Variants in TMEM91 observed in about 807,000 individuals in gnomAD.
TMEM91 encodes dispanin subfamily C member 3.
TMEM91 carries 6 observed loss-of-function variants against 13.3 expected under a neutral mutation model. The observed-to-expected ratio is 0.45, with a 90% CI of 0.25 to 0.89. The LOEUF is 0.89. TMEM91 is among the 40% of genes least tolerant of loss of function. The pLI is 0.19. For missense variants in TMEM91, 193 were observed against 228.7 expected (o/e 0.84, Z 1.01); for synonymous variants, 87 against 101.7 (o/e 0.86, Z 0.87).
chr19:41,383,782 T>G lies in TMEM91; in HGVS notation c.428T>G (p.Leu143Arg), dbSNP rs1463643031. ...AGAASRRAFL[L>R]GVLAVGLGVC... ...GCCGCCTCCCGCCGTGCCTTCCTGC[T>G]GGGGGTCCTCGCCGTCGGGCTGGGC... The change falls in exon 4 of 4, where the codon CTG becomes CGG. Residue 143 changes from leucine to arginine, a missense_variant. By Grantham distance (102) the Leu-to-Arg change is moderately radical. Coordinates refer to ENST00000392002, the MANE Select transcript of TMEM91 (RefSeq NM_001098821.2). The G allele has an allele frequency of 2.5e-6, 4 of 1,610,570 alleles. No homozygotes were observed. The highest frequency in any genetic ancestry group is 3.4e-6 in the Non-Finnish European group (4 of 1,178,012).
chr19:41,372,013 C>T (rs1466898461), upstream of TMEM91, among the ~76,000 whole-genome samples: 3 of 151,440 alleles, frequency 2.0e-5, no homozygotes, highest in East Asian at 1.9e-4. Context: ...TGTGTGCCAC[C>T]GTGCTCGGCT....
chr19:41,364,640 G>T (rs531695412), intron 1 of TMEM91, among the ~76,000 whole-genome samples: 2 of 152,022 alleles, frequency 1.3e-5, no homozygotes, highest in Non-Finnish European at 2.9e-5. Context: ...CAAGGACAAG[G>T]AAGGAAGGAA....
intron 1 of TMEM91, among the ~76,000 whole-genome samples, chr19:41,365,704 C>CG (rs1568487702): frequency 1.0e-4 from 14 of 134,806 alleles, no homozygotes; most frequent in South Asian, 2.4e-4. Flanking sequence ...CGTGACCGGC[C>CG]GGGTTTTTTT....
intron 3 of TMEM91, 182 bp from the exon 4 acceptor site, chr19:41,383,533 C>G: frequency 6.6e-7 from 1 of 1,522,492 alleles, no homozygotes; most frequent in Non-Finnish European, 8.8e-7. Context: ...TATTTTTTAC[C>G]ATTTTAATGT....
chr19:41,375,297 T>TC (rs1489483992), upstream of TMEM91, among the ~76,000 whole-genome samples: 12 of 113,260 alleles, frequency 1.1e-4, 1 homozygote, highest in Non-Finnish European at 1.4e-4. Flanking sequence ...TTTTTTTTTT[T>TC]TGAGACGGAG....
rs1417007139 is a variant in TMEM91, at chr19:41,383,774, C to T, written c.420C>T (p.Ala140=). The change falls in exon 4 of 4, where the codon GCC becomes GCT. Residue 140 remains alanine, a synonymous_variant. Coordinates refer to ENST00000392002, the MANE Select transcript of TMEM91 (RefSeq NM_001098821.2). ...IQGAGAASRR[A]FLLGVLAVGL... ...GGGCAGGGGCCGCCTCCCGCCGTGC[C>T]TTCCTGCTGGGGGTCCTCGCCGTCG... 6.2e-7 allele frequency: 1 copy of T among 1,610,076 alleles called. No homozygotes were observed. The highest frequency in any genetic ancestry group is 8.5e-7 in the Non-Finnish European group (1 of 1,177,706).
chr19:41,379,239 G>C (rs2038811316), intron 2 of TMEM91, among the ~76,000 whole-genome samples: 1 of 147,218 alleles, frequency 6.8e-6, no homozygotes, highest in African/African-American at 2.5e-5. Flanking sequence ...CCAGCACTTT[G>C]AGAAGGCGAG....
At position 41,384,062 on chromosome 19, in the gene TMEM91, AC is replaced by A. The variant is rs1022731251; in HGVS notation, c.*191del. 5 of 1,050,672 alleles carry A rather than the reference AC, an allele frequency of 4.8e-6. No homozygotes were observed. In the African/African-American group the frequency reaches 8.3e-5, roughly 17 times the overall value. The allele number at this position is 1,050,672 out of a possible 1,614,324, so 65.1% of individuals were successfully genotyped here. ...GGGCGGCAGCAACCTGAGATTAAAC[AC>A]CAGACACCCTTGCAGCCAAACCAGA... On this transcript the variant is annotated 3_prime_UTR_variant, in exon 4 of 4. Transcript: ENST00000392002.
At chr19:41,374,970 T>G (rs1247260151), upstream of TMEM91, among the ~76,000 whole-genome samples, 18 of 151,304 alleles carry the variant, frequency 1.2e-4, no homozygotes, top group Admixed American at 1.2e-3. Context: ...GCAACAAGAG[T>G]GAAACTCCAT....
upstream of TMEM91, among the ~76,000 whole-genome samples, chr19:41,375,278 T>TTTC (rs2038692856): frequency 1.3e-5 from 1 of 76,906 alleles, no homozygotes; most frequent in South Asian, 4.3e-4. Context: ...CTTTTCTTTT[T>TTTC]TTTTTTTTTT....
chr19:41,370,685 G>A (rs924050652), intron 1 of TMEM91, among the ~76,000 whole-genome samples: 4 of 151,844 alleles, frequency 2.6e-5, no homozygotes, highest in Admixed American at 2.6e-4. Context: ...GATTACAAGC[G>A]TGAGCCACCG....
At chr19:41,369,570 C>T (rs976940506) in intron 1 of TMEM91, among the ~76,000 whole-genome samples, 1 of 150,934 alleles carries the variant, frequency 6.6e-6, no homozygotes, top group African/African-American at 2.4e-5. Context: ...TTTGGGAGGC[C>T]GAGGCAGGCA....
chr19:41,382,970 A>C (rs2038928289), intron 3 of TMEM91, 49 bp downstream of exon 3: 1 of 1,596,738 alleles, frequency 6.3e-7, no homozygotes, highest in Non-Finnish European at 8.5e-7. Flanking sequence ...AAAGAGAAAA[A>C]TGCACCACAA....
chr19:41,381,076 CAAAAAA>C (rs1166323642), intron 2 of TMEM91, among the ~76,000 whole-genome samples: 20 of 52,792 alleles, frequency 3.8e-4, no homozygotes, highest in African/African-American at 1.2e-3. Flanking sequence ...GACTCTGTCT[CAAAAAA>C]AAAAAAAAAA....
rs1350998846 is a variant in TMEM91 at position 41,378,308 on chromosome 19, C to T, written c.-2C>T. The T allele has an allele frequency of 9.3e-6, 15 of 1,612,822 alleles. No homozygotes were observed. The highest frequency in any genetic ancestry group is 1.3e-5 in the African/African-American group (1 of 75,028). The stretch of plus-strand genomic sequence containing the variant: ...AACCCCTCCTGGAGTTTCCCCAAAG[C>T]CATGGACAGCCCTAGTCTTCGTGAG... On this transcript the variant is annotated 5_prime_UTR_variant, in exon 2 of 4. Transcript: ENST00000392002.
intron 2 of TMEM91, 123 bp downstream of exon 2, chr19:41,378,642 G>A (rs1013294716): frequency 2.2e-6 from 2 of 923,972 alleles, no homozygotes; most frequent in African/African-American, 3.3e-5. Context: ...TCACTTCCCA[G>A]CTGTGTGTGG....
chr19:41,383,517 T>C, intron 3 of TMEM91, 198 bp from the exon 4 acceptor site: 2 of 1,461,708 alleles, frequency 1.4e-6, no homozygotes, highest in Non-Finnish European at 1.8e-6. Flanking sequence ...AATTTATTAT[T>C]ATTATTATTT....
chr19:41,365,830 C>T lies in TMEM91; in HGVS notation c.-30+1735C>T, dbSNP rs112529131. Among the ~76,000 whole-genome samples, 56 of 151,004 alleles carry T rather than the reference C, an allele frequency of 3.7e-4. 1 individual carries two copies. The highest frequency in any genetic ancestry group is 1.3e-3 in the African/African-American group (53 of 41,124). ...GGTTCAAGCAATTCTTCTGTCTCAG[C>T]CTCCTTAGTAGCTGGGATTGCAGGC... On this transcript the variant is annotated intron_variant, in intron 1 of 3. Transcript: ENST00000413014.
At chr19:41,374,838 C>T (rs970695711), upstream of TMEM91, among the ~76,000 whole-genome samples, 2 of 152,104 alleles carry the variant, frequency 1.3e-5, no homozygotes, top group African/African-American at 4.8e-5. Context: ...ACAAAATTAG[C>T]CAGGTGTGAT....
Sources: gnomAD v4.1 joint callset for allele counts (sites outside exome capture counted in the v4.1 genomes callset) on GRCh38, gnomAD v4.1.1 for gene constraint, MANE v1.5 for transcripts, NCBI Gene and HGNC (gene_info 2026-07-23, HGNC 2026-07-21) for gene names.